Variants in STRN3 observed in about 807,000 individuals in gnomAD.
The protein encoded by STRN3 is striatin-3.
STRN3 carries 29 observed loss-of-function variants against 95.6 expected under a neutral mutation model. That is an observed-to-expected ratio of 0.30 (90% CI 0.23 to 0.41). STRN3 has a LOEUF of 0.41. Ranked by LOEUF, STRN3 falls within the 10% of genes least tolerant of loss-of-function variation. The pLI, the probability that STRN3 is intolerant of heterozygous loss-of-function variation, is 1.00. For missense variants in STRN3, 890 were observed against 972.1 expected (o/e 0.92, Z 1.12); for synonymous variants, 331 against 357.6 (o/e 0.93, Z 0.84).
Position 30,987,800 on chromosome 14 carries a change from C to T in STRN3, c.283-31558G>A, listed in dbSNP as rs373662301. Among the ~76,000 whole-genome samples the T allele has an allele frequency of 4.3e-4, 65 of 151,366 alleles. No homozygotes were observed. The South Asian group carries it at 9.4e-3, about 22-fold the overall frequency. On this transcript the variant is annotated intron_variant, in intron 1 of 17. Transcript: ENST00000357479. ...TTGCCCAGGCTGGAGTGCAGTGGCG[C>T]GCGGTCTTGGTACTGCAACCTCTGC...
At chr14:30,990,469 A>G (rs1452465170) in intron 1 of STRN3, among the ~76,000 whole-genome samples, 1 of 152,038 alleles carries the variant, frequency 6.6e-6, no homozygotes, top group Non-Finnish European at 1.5e-5. Context: ...CGCCCGGCCA[A>G]AGGGCACTAT....
intron 1 of STRN3, among the ~76,000 whole-genome samples, chr14:30,971,792 G>T (rs1880842358): frequency 6.6e-6 from 1 of 152,136 alleles, no homozygotes; most frequent in Non-Finnish European, 1.5e-5. Context: ...TCGGTAAATG[G>T]AAAGGAATAA....
chr14:31,010,578 C>CA (rs1882925565), intron 1 of STRN3, among the ~76,000 whole-genome samples: 1 of 151,880 alleles, frequency 6.6e-6, no homozygotes, highest in African/African-American at 2.4e-5. Context: ...AATATCTGAA[C>CA]TTTTTCAACG....
intron 1 of STRN3, among the ~76,000 whole-genome samples, chr14:31,010,865 C>A: frequency 6.6e-6 from 1 of 152,122 alleles, no homozygotes; most frequent in East Asian, 1.9e-4. Context: ...ATGGCGAAAC[C>A]TTGTCTTTCC....
At chr14:30,899,490 C>G (rs531885549) in intron 16 of STRN3, among the ~76,000 whole-genome samples, 6 of 152,298 alleles carry the variant, frequency 3.9e-5, no homozygotes, top group African/African-American at 1.2e-4. Context: ...CCTACACATA[C>G]AGCATAGATA....
intron 8 of STRN3, 132 bp from the exon 9 acceptor site, chr14:30,919,238 G>A: frequency 1.0e-6 from 1 of 981,724 alleles, no homozygotes; most frequent in South Asian, 2.3e-5. Context: ...GAAAATTAAA[G>A]ATGTCTTCCA....
intron 1 of STRN3, among the ~76,000 whole-genome samples, chr14:30,993,980 C>T (rs371851580): frequency 1.3e-5 from 2 of 152,018 alleles, no homozygotes; most frequent in Non-Finnish European, 2.9e-5. Flanking sequence ...CGGGATCAAG[C>T]GATTCTCCTG....
intron 7 of STRN3, among the ~76,000 whole-genome samples, chr14:30,933,588 T>C (rs1158856119): frequency 6.6e-6 from 1 of 152,148 alleles, no homozygotes; most frequent in East Asian, 1.9e-4. Context: ...AAAAGTTAAA[T>C]ATTTTTGCTG....
At chr14:30,992,790 G>C (rs2139265271) in intron 1 of STRN3, among the ~76,000 whole-genome samples, 1 of 151,872 alleles carries the variant, frequency 6.6e-6, no homozygotes, top group East Asian at 2.0e-4. Flanking sequence ...AAGGCGGTAA[G>C]ATTGTTTGAG....
At chr14:30,967,264 A>T (rs1244479600) in intron 1 of STRN3, among the ~76,000 whole-genome samples, 1 of 86,972 alleles carries the variant, frequency 1.1e-5, no homozygotes, top group Non-Finnish European at 2.3e-5. Flanking sequence ...AGGCAGAGAG[A>T]GGGGGGAAGA....
intron 1 of STRN3, among the ~76,000 whole-genome samples, chr14:30,988,556 C>A (rs1159163379): frequency 6.6e-6 from 1 of 152,056 alleles, no homozygotes; most frequent in Non-Finnish European, 1.5e-5. Context: ...GGTTGGAATG[C>A]AAATTTATTC....
At chr14:31,021,964 C>G (rs1468455435) in intron 1 of STRN3, among the ~76,000 whole-genome samples, 1 of 152,110 alleles carries the variant, frequency 6.6e-6, no homozygotes, top group Non-Finnish European at 1.5e-5. Context: ...AGGTAGTGGA[C>G]TCCCTTAATA....
chr14:30,959,023 C>G (rs1344059922), intron 1 of STRN3, among the ~76,000 whole-genome samples: 1 of 152,106 alleles, frequency 6.6e-6, no homozygotes, highest in Non-Finnish European at 1.5e-5. Flanking sequence ...AAAAACAAAA[C>G]CTTTTTAAAA....
At chr14:31,018,268 C>G (rs1430901790) in intron 1 of STRN3, among the ~76,000 whole-genome samples, 1 of 152,126 alleles carries the variant, frequency 6.6e-6, no homozygotes, top group Admixed American at 6.5e-5. Flanking sequence ...CTACATCAGC[C>G]TGGGCCATAG....
intron 1 of STRN3, among the ~76,000 whole-genome samples, chr14:30,974,205 A>G (rs1046854688): frequency 2.0e-5 from 3 of 152,350 alleles, no homozygotes. Context: ...ATAATAACCT[A>G]TGAGAATAAA....
At chr14:30,961,603 T>A (rs982525248) in intron 1 of STRN3, among the ~76,000 whole-genome samples, 1 of 152,204 alleles carries the variant, frequency 6.6e-6, no homozygotes, top group Non-Finnish European at 1.5e-5. Flanking sequence ...TGCTCAATAC[T>A]TATAATGACA....
At chr14:30,933,008 C>T (rs1323314143) in intron 7 of STRN3, among the ~76,000 whole-genome samples, 1 of 152,004 alleles carries the variant, frequency 6.6e-6, no homozygotes, top group African/African-American at 2.4e-5. Flanking sequence ...GGCATGGTGG[C>T]TCATGCCTGT....
intron 1 of STRN3, among the ~76,000 whole-genome samples, chr14:31,010,763 A>G (rs1882933618): frequency 6.6e-6 from 1 of 152,198 alleles, no homozygotes; most frequent in Admixed American, 6.5e-5. Flanking sequence ...GAAGTACCAG[A>G]TGTGCTGGCT....
At chr14:30,901,300 A>T (rs1896307977) in intron 16 of STRN3, among the ~76,000 whole-genome samples, 2 of 151,474 alleles carry the variant, frequency 1.3e-5, no homozygotes, top group South Asian at 2.1e-4. Flanking sequence ...AAATTTAAAT[A>T]TTTTTTTTAA....
Sources: allele counts gnomAD v4.1 joint callset (sites outside exome capture counted in the v4.1 genomes callset), GRCh38; gene constraint gnomAD v4.1.1; transcripts MANE v1.5; gene names NCBI Gene and HGNC (gene_info 2026-07-23, HGNC 2026-07-21).